PIK3C3: variants seen among roughly 807,000 people sequenced by gnomAD.
The protein encoded by PIK3C3 is PI3-kinase type 3.
PIK3C3 carries 95 observed loss-of-function variants against 126.1 expected under a neutral mutation model. The ratio of observed to expected loss-of-function variants is 0.75; its 90% CI spans 0.64 to 0.89. The LOEUF (loss-of-function observed/expected upper bound fraction) is 0.89, where lower values mean the gene tolerates loss of function less well. PIK3C3 is among the 40% of genes least tolerant of loss of function. PIK3C3 has a pLI of 0.00. For missense variants in PIK3C3, 829 were observed against 1,063.2 expected (o/e 0.78, Z 3.06); for synonymous variants, 374 against 360.0 (o/e 1.04, Z -0.44).
At chr18:42,046,912 A>C (rs1984582221) in intron 20 of PIK3C3, among the ~76,000 whole-genome samples, 1 of 152,156 alleles carries the variant, frequency 6.6e-6, no homozygotes, top group Non-Finnish European at 1.5e-5. Flanking sequence ...ATGACCATCC[A>C]ACGTATTTAT....
At chr18:41,974,783 TAA>T (rs1980833632) in intron 4 of PIK3C3, among the ~76,000 whole-genome samples, 1 of 152,166 alleles carries the variant, frequency 6.6e-6, no homozygotes, top group Non-Finnish European at 1.5e-5. Flanking sequence ...TGTCATATTA[TAA>T]GAGTTTTATG....
chr18:42,005,301 C>T (rs1461547093), intron 10 of PIK3C3, among the ~76,000 whole-genome samples: 6 of 152,084 alleles, frequency 3.9e-5, no homozygotes, highest in Admixed American at 1.3e-4. Context: ...GCAGTTGTAA[C>T]GCAATGCTAA....
At position 41,967,277 on chromosome 18, in the gene PIK3C3, AT is replaced by A. The variant is rs199756403; in HGVS notation, c.402-3049del. On this transcript the variant is annotated intron_variant, in intron 3 of 24. Transcript: ENST00000262039. ...TGCTGCCATCCAGGGAGTCAGGGCA[AT>A]ATGAGTATTCTGGGTGGTCTCAGCA... Among the ~76,000 whole-genome samples, 7 of 152,266 alleles carry A rather than the reference AT, an allele frequency of 4.6e-5. No individual in the cohort carries two copies. In the East Asian group the frequency reaches 1.2e-3, roughly 25 times the overall value.
intron 4 of PIK3C3, among the ~76,000 whole-genome samples, chr18:41,976,131 G>A (rs1980909462): frequency 1.3e-5 from 2 of 152,236 alleles, no homozygotes; most frequent in Admixed American, 1.3e-4. Context: ...GATTAAGATA[G>A]CAAGGAATTT....
chr18:42,029,325 G>C lies in PIK3C3; in HGVS notation c.1591G>C (p.Gly531Arg). ...MRRFSQALLK[G>R]DKSVRVMRSL... ...TTTTTTCTCACTTTGAACCCTTCAGGGTGATAAGTCTGTCAGAGTTATGCG... is the reference window on the plus strand; with the variant it reads ...TTTTTTCTCACTTTGAACCCTTCAGCGTGATAAGTCTGTCAGAGTTATGCG... Residue 531 changes from glycine to arginine, a missense_variant and splice_region_variant, in exon 15 of 25, where the codon GGT (glycine) becomes CGT (arginine). By Grantham distance (125) the Gly-to-Arg change is moderately radical. Coordinates refer to ENST00000262039, the MANE Select transcript of PIK3C3 (RefSeq NM_002647.4). The C allele has an allele frequency of 6.2e-7, 1 of 1,606,234 alleles. No individual in the cohort carries two copies. The highest frequency in any genetic ancestry group is 2.2e-5 in the East Asian group (1 of 44,794).
At chr18:42,076,685 C>A (rs1986047136) in intron 24 of PIK3C3, among the ~76,000 whole-genome samples, 1 of 152,210 alleles carries the variant, frequency 6.6e-6, no homozygotes, top group Non-Finnish European at 1.5e-5. Flanking sequence ...TAGCAAGAGT[C>A]AGCAGAATGC....
At chr18:41,994,773 A>G (rs1405777247) in intron 7 of PIK3C3, among the ~76,000 whole-genome samples, 1 of 152,150 alleles carries the variant, frequency 6.6e-6, no homozygotes, top group African/African-American at 2.4e-5. Context: ...ATGGTGGCTC[A>G]TGCTTGTAAT....
intron 24 of PIK3C3, among the ~76,000 whole-genome samples, chr18:42,068,890 C>T (rs539575349): frequency 2.1e-5 from 3 of 141,160 alleles, no homozygotes; most frequent in African/African-American, 2.6e-5. Context: ...GCGGAGGTTG[C>T]GGTGAGCTGA....
chr18:42,077,602 A>C (rs1371682406), intron 24 of PIK3C3, among the ~76,000 whole-genome samples: 2 of 152,230 alleles, frequency 1.3e-5, no homozygotes, highest in African/African-American at 4.8e-5. Context: ...TCAGTCACAT[A>C]TTCAGGCTCC....
intron 3 of PIK3C3, among the ~76,000 whole-genome samples, chr18:41,965,299 A>G (rs1239077156): frequency 6.6e-6 from 1 of 152,202 alleles, no homozygotes; most frequent in African/African-American, 2.4e-5. Context: ...CATGCATTTT[A>G]GGGGACTTTA....
At chr18:42,043,200 G>A (rs183715390) in intron 19 of PIK3C3, among the ~76,000 whole-genome samples, 44 of 151,762 alleles carry the variant, frequency 2.9e-4, no homozygotes, top group African/African-American at 9.7e-4. Flanking sequence ...CCAGGTTCAA[G>A]CAATTCTCCT....
At position 41,987,914 on chromosome 18, in the gene PIK3C3, CTT is replaced by C; in HGVS notation, c.618+19_618+20del. 3 of 1,376,964 alleles carry C rather than the reference CTT, an allele frequency of 2.2e-6. No homozygotes were observed. The highest frequency in any genetic ancestry group is 3.0e-6 in the Non-Finnish European group (3 of 997,262). 85.3% of individuals were successfully genotyped at this position (1,376,964 alleles called of 1,614,324 possible). A position where few individuals can be genotyped will look rare whatever the true frequency, so the allele number is the denominator to read the frequency against. Reference sequence around the variant, plus strand: ...GATAAATGAGGTGGGTTATATCACTCTTTTATTTTAAAATATTTTCTGTAAAT... The same window carrying C: ...GATAAATGAGGTGGGTTATATCACTCTTATTTTAAAATATTTTCTGTAAAT... On this transcript the variant is annotated intron_variant, in intron 5 of 24. Coordinates refer to ENST00000262039, the MANE Select transcript of PIK3C3 (RefSeq NM_002647.4).
chr18:41,971,984 T>C (rs912982451), intron 4 of PIK3C3, among the ~76,000 whole-genome samples: 4 of 152,062 alleles, frequency 2.6e-5, no homozygotes, highest in Non-Finnish European at 5.9e-5. Context: ...CTAATTCTTT[T>C]TGATGGAAGG....
chr18:41,989,771 A>G (rs774547476), intron 5 of PIK3C3, among the ~76,000 whole-genome samples: 5 of 152,122 alleles, frequency 3.3e-5, no homozygotes, highest in South Asian at 2.1e-4. Flanking sequence ...TTAATGATGC[A>G]TTTCTCAGAA....
intron 15 of PIK3C3, among the ~76,000 whole-genome samples, chr18:42,031,581 C>T (rs866754210): frequency 6.6e-6 from 1 of 152,174 alleles, no homozygotes; most frequent in Middle Eastern, 3.4e-3. Flanking sequence ...TGCACCACCA[C>T]GCCTGGCTAA....
intron 9 of PIK3C3, among the ~76,000 whole-genome samples, chr18:42,000,795 C>T (rs903654577): frequency 6.6e-6 from 1 of 152,154 alleles, no homozygotes; most frequent in African/African-American, 2.4e-5. Flanking sequence ...CATCAGATCT[C>T]ATGAGACTTA....
intron 4 of PIK3C3, among the ~76,000 whole-genome samples, chr18:41,986,161 A>T (rs1598869358): frequency 6.6e-6 from 1 of 152,170 alleles, no homozygotes; most frequent in Non-Finnish European, 1.5e-5. Flanking sequence ...GCCACTTCAT[A>T]GTAGTAGTTG....
At chr18:42,037,011 T>C (rs1984085307) in intron 16 of PIK3C3, among the ~76,000 whole-genome samples, 2 of 152,322 alleles carry the variant, frequency 1.3e-5, no homozygotes, top group South Asian at 2.1e-4. Flanking sequence ...TTTATGTGTG[T>C]AGGGTATATG....
intron 23 of PIK3C3, 105 bp from the exon 24 acceptor site, chr18:42,067,283 G>A (rs1295121258): frequency 3.1e-6 from 3 of 976,624 alleles, no homozygotes; most frequent in Non-Finnish European, 4.7e-6. Context: ...ATTTGCCATA[G>A]GAATAGCTCA....
Sources: allele counts gnomAD v4.1 joint callset (sites outside exome capture counted in the v4.1 genomes callset), GRCh38; gene constraint gnomAD v4.1.1; transcripts MANE v1.5; gene names NCBI Gene and HGNC (gene_info 2026-07-23, HGNC 2026-07-21).